Variants in ICE1 observed in about 807,000 individuals in gnomAD.
ICE1 encodes little elongation complex subunit 1.
Under a neutral mutation model 192.7 loss-of-function variants are expected in ICE1, and 64 were observed. The observed-to-expected ratio is 0.33, with a 90% CI of 0.27 to 0.41. The LOEUF (loss-of-function observed/expected upper bound fraction) is 0.41, where lower values mean the gene tolerates loss of function less well. ICE1 is among the 10% of genes least tolerant of loss of function. The pLI, the probability that ICE1 is intolerant of heterozygous loss-of-function variation, is 1.00. For synonymous variants in ICE1, 1,010 were observed against 984.5 expected (o/e 1.03, Z -0.49); for missense variants, 2,708 against 2,696.0 (o/e 1.00, Z -0.10).
At chr5:5,451,426 C>G (rs182267734) in intron 10 of ICE1, among the ~76,000 whole-genome samples, 34 of 152,198 alleles carry the variant, frequency 2.2e-4, no homozygotes, top group Admixed American at 6.5e-5. Flanking sequence ...ACAATTAAAT[C>G]TGATAGCTGG....
At position 5,476,040 on chromosome 5, in the gene ICE1, A is replaced by G; in HGVS notation, c.6481A>G (p.Thr2161Ala). Residue 2161 changes from threonine (T) to alanine (A), a missense_variant, in exon 17 of 19, where the codon ACT becomes GCT. Thr to Ala is a moderately conservative substitution (Grantham distance 58). This residue lies in a region of ICE1 where 342 missense variants were observed against 419.3 expected (regional missense o/e 0.82). Coordinates refer to ENST00000296564, the MANE Select transcript of ICE1 (RefSeq NM_015325.3). ...AAAAGGACATGCAAACATTGCGTAT[A>G]CTCCTGATATTATTATAGCCTCAAT... ...YRKGHANIAY[T>A]PDIIIASILR... 6.2e-7 allele frequency: 1 copy of G among 1,609,900 alleles called. No homozygotes were observed. The highest frequency in any genetic ancestry group is 8.5e-7 in the Non-Finnish European group (1 of 1,177,166).
chr5:5,430,334 C>G (rs1006284465), intron 1 of ICE1, among the ~76,000 whole-genome samples: 2 of 152,198 alleles, frequency 1.3e-5, no homozygotes, highest in South Asian at 2.1e-4. Context: ...ATTACAATAT[C>G]TGACCACAGA....
Position 5,463,092 on chromosome 5 carries a change from A to T in ICE1, c.3758A>T (p.Gln1253Leu). ...YSLKNTSQLT[Q>L]CSLETLSEVL... Reference sequence around the variant, plus strand: ...TTAAAAAATACAAGTCAGCTCACTCAGTGTTCTTTGGAAACTCTGTCTGAG... The same window carrying T: ...TTAAAAAATACAAGTCAGCTCACTCTGTGTTCTTTGGAAACTCTGTCTGAG... The change falls in exon 13 of 19, where the codon CAG becomes CTG. Residue 1253 changes from glutamine (Q) to leucine (L), a missense_variant. Transcript: ENST00000296564. 4.3e-6 allele frequency: 7 copies of T among 1,613,500 alleles called. No individual in the cohort carries two copies. Among genetic ancestry groups the T allele is most frequent in the Non-Finnish European group, 5.9e-6 (7 of 1,179,702 alleles).
rs774633996 is a variant in ICE1 at position 5,422,711 on chromosome 5, C to G, written c.-205C>G. 1.7e-5 allele frequency: 6 copies of G among 354,642 alleles called. No homozygotes were observed. The highest frequency in any genetic ancestry group is 1.3e-4 in the East Asian group (3 of 23,882). The allele number at this position is 354,642 out of a possible 1,614,324, so 22.0% of individuals were successfully genotyped here. On this transcript the variant is annotated 5_prime_UTR_variant, in exon 1 of 19. Coordinates refer to ENST00000296564, the MANE Select transcript of ICE1 (RefSeq NM_015325.3). Reference sequence around the variant, plus strand: ...CGCGCTCGGGGGCCGCGCCGGGTAGCGTTTCTTTTTAGTGCCTGAGGCAGC... The same window carrying G: ...CGCGCTCGGGGGCCGCGCCGGGTAGGGTTTCTTTTTAGTGCCTGAGGCAGC...
At chr5:5,481,887 G>A (rs1033021440) in intron 17 of ICE1, among the ~76,000 whole-genome samples, 23 of 152,212 alleles carry the variant, frequency 1.5e-4, no homozygotes, top group African/African-American at 5.5e-4. Flanking sequence ...TAGCCTAGGT[G>A]TGTAGTGGCT....
intron 1 of ICE1, among the ~76,000 whole-genome samples, chr5:5,426,447 CA>C (rs569904155): frequency 0.1 from 7,182 of 69,050 alleles, 115 homozygotes; most frequent in Non-Finnish European, 0.12. Flanking sequence ...GACTCCGTCT[CA>C]AAAAAAAAAA....
rs547943721 is a variant in ICE1 at position 5,464,941 on chromosome 5, A to G, written c.5607A>G (p.Lys1869=). 1.9e-6 allele frequency: 3 copies of G among 1,613,626 alleles called. No individual in the cohort carries two copies. The African/African-American group carries it at 4.0e-5, about 22-fold the overall frequency. ...TRGVTAEGIH[K]NLPGNLPPAE... ...GAGTCACTGCAGAAGGAATCCACAA[A>G]AACCTCCCAGGGAACCTCCCTCCAG... Residue 1869 remains lysine (K), a synonymous_variant, in exon 13 of 19, where the codon AAA becomes AAG. Coordinates refer to ENST00000296564, the MANE Select transcript of ICE1 (RefSeq NM_015325.3). This position sits in a 1 kb window ranked among gnomAD's most constrained non-coding sequence, Gnocchi z 4.0.
intron 17 of ICE1, among the ~76,000 whole-genome samples, chr5:5,479,019 A>G (rs1023395354): frequency 3.3e-5 from 5 of 152,236 alleles, no homozygotes; most frequent in African/African-American, 9.6e-5. Flanking sequence ...AGGCAATACC[A>G]TTCAGGACAT....
chr5:5,485,603 G>A (rs181368651), intron 17 of ICE1, among the ~76,000 whole-genome samples: 4 of 152,266 alleles, frequency 2.6e-5, no homozygotes, highest in African/African-American at 9.6e-5. Flanking sequence ...CTGTCAGTGA[G>A]CTTTTTATAC....
At chr5:5,484,750 G>A (rs1739594027) in intron 17 of ICE1, among the ~76,000 whole-genome samples, 1 of 152,186 alleles carries the variant, frequency 6.6e-6, no homozygotes, top group East Asian at 1.9e-4. Context: ...AGCGTCCCAT[G>A]CCTCAGCTTC....
chr5:5,461,875 C>T lies in ICE1; in HGVS notation c.2541C>T (p.Phe847=), dbSNP rs756618751. The change falls in exon 13 of 19, where the codon TTC becomes TTT. Residue 847 remains phenylalanine (F), a synonymous_variant. Coordinates refer to ENST00000296564, the MANE Select transcript of ICE1 (RefSeq NM_015325.3). The part of the protein sequence containing the change: ...LLRENNNPVE[F]KTTASVLPNQ... ...GAGAAAATAACAATCCTGTAGAATT[C>T]AAGACCACTGCATCGGTGTTGCCTA... is the stretch of plus-strand genomic sequence containing the variant. 5.0e-6 allele frequency: 8 copies of T among 1,613,900 alleles called. No individual in the cohort carries two copies. The highest frequency in any genetic ancestry group is 1.6e-4 in the Middle Eastern group (1 of 6,062).
chr5:5,471,808 C>T (rs2111395023), intron 15 of ICE1, among the ~76,000 whole-genome samples: 1 of 152,086 alleles, frequency 6.6e-6, no homozygotes, highest in South Asian at 2.1e-4. Flanking sequence ...TTAGGGATTC[C>T]TGCTGTAACC....
intron 17 of ICE1, among the ~76,000 whole-genome samples, chr5:5,482,775 AACACACACACACACAC>A (rs70965943): frequency 4.4e-5 from 6 of 136,080 alleles, no homozygotes; most frequent in East Asian, 2.2e-4. Flanking sequence ...CCCACCCCCC[AACACACACACACACAC>A]ACACACACAC....
At chr5:5,431,292 A>G (rs760078711) in intron 1 of ICE1, among the ~76,000 whole-genome samples, 2 of 152,226 alleles carry the variant, frequency 1.3e-5, no homozygotes, top group Non-Finnish European at 2.9e-5. Context: ...TGCATGTCCA[A>G]AAATAACTGC....
At chr5:5,482,309 A>G (rs1459132794) in intron 17 of ICE1, among the ~76,000 whole-genome samples, 1 of 152,168 alleles carries the variant, frequency 6.6e-6, no homozygotes, top group Non-Finnish European at 1.5e-5. Context: ...CTGATATACA[A>G]TACAATTATA....
At chr5:5,428,506 C>A (rs1382711509) in intron 1 of ICE1, among the ~76,000 whole-genome samples, 3 of 152,122 alleles carry the variant, frequency 2.0e-5, no homozygotes, top group Non-Finnish European at 4.4e-5. Context: ...AATAAAGTTG[C>A]CACAATAATA....
At chr5:5,428,315 A>G (rs1445936795) in intron 1 of ICE1, among the ~76,000 whole-genome samples, 4 of 152,142 alleles carry the variant, frequency 2.6e-5, no homozygotes, top group Non-Finnish European at 2.9e-5. Flanking sequence ...TCTCTGCTAG[A>G]TATCAGTGTA....
intron 10 of ICE1, among the ~76,000 whole-genome samples, chr5:5,454,204 C>A (rs971473726): frequency 1.3e-5 from 2 of 152,166 alleles, no homozygotes; most frequent in East Asian, 1.9e-4. Flanking sequence ...TCAAAGCACT[C>A]TCTGGTGAAA....
chr5:5,474,527 G>A (rs1001943299), intron 16 of ICE1, among the ~76,000 whole-genome samples: 7 of 152,222 alleles, frequency 4.6e-5, no homozygotes, highest in African/African-American at 1.7e-4. Context: ...AGCAGCTTCT[G>A]TCACCTGGGA....
Sources: allele counts gnomAD v4.1 joint callset (sites outside exome capture counted in the v4.1 genomes callset), GRCh38; gene constraint gnomAD v4.1.1; regional missense constraint gnomAD v4.1.1; non-coding constraint Gnocchi (gnomAD v3.1); transcripts MANE v1.5; gene names NCBI Gene and HGNC (gene_info 2026-07-23, HGNC 2026-07-21).